Variants in SLX4IP observed in about 807,000 individuals in gnomAD.
SLX4IP encodes the protein protein SLX4IP.
In SLX4IP, 34 loss-of-function variants were observed where a neutral mutation model predicts 32.9. The ratio of observed to expected loss-of-function variants is 1.03; its 90% CI spans 0.79 to 1.38. SLX4IP has a LOEUF of 1.38. Ranked by LOEUF, SLX4IP falls within the 40% of genes most tolerant of loss-of-function variation. SLX4IP has a pLI of 0.00. For synonymous variants in SLX4IP, 172 were observed against 171.7 expected (o/e 1.00, Z -0.01); for missense variants, 444 against 479.0 (o/e 0.93, Z 0.68).
chr20:10,562,922 A>C (rs2066348681), intron 4 of SLX4IP, among the ~76,000 whole-genome samples: 1 of 152,274 alleles, frequency 6.6e-6, no homozygotes, highest in African/African-American at 2.4e-5. Context: ...CTTTTGTTAA[A>C]ATACCTAGTA....
At position 10,627,991 on chromosome 20, in the gene SLX4IP, G is replaced by A. The variant is rs2067192145; in HGVS notation, c.*4612G>A. 1 of 152,170 alleles carries A rather than the reference G, an allele frequency of 6.6e-6. No individual in the cohort carries two copies. The highest frequency in any genetic ancestry group is 6.5e-5 in the Admixed American group (1 of 15,278). 9.4% of individuals were successfully genotyped at this position (152,170 alleles called of 1,614,324 possible). A position where few individuals can be genotyped will look rare whatever the true frequency, so the allele number is the denominator to read the frequency against. On this transcript the variant is annotated 3_prime_UTR_variant, in exon 8 of 8. Coordinates refer to ENST00000334534, the MANE Select transcript of SLX4IP (RefSeq NM_001009608.3). ...GGGATGAAACCTATGTAATAGAAAT[G>A]TACTGTTTTATGAATAAGGAGTAAA... is the stretch of plus-strand genomic sequence containing the variant.
At chr20:10,445,518 T>C (rs954738297) in intron 1 of SLX4IP, among the ~76,000 whole-genome samples, 4 of 151,688 alleles carry the variant, frequency 2.6e-5, no homozygotes, top group African/African-American at 9.7e-5. Flanking sequence ...AGTTTCACCA[T>C]GTTGGCCATG....
intron 1 of SLX4IP, among the ~76,000 whole-genome samples, chr20:10,457,633 T>C (rs2065297240): frequency 1.3e-5 from 2 of 152,140 alleles, no homozygotes; most frequent in South Asian, 2.1e-4. Context: ...AGAATTTTTG[T>C]GTCTTCATAA....
chr20:10,612,532 A>G (rs1201885393), intron 6 of SLX4IP, among the ~76,000 whole-genome samples: 2 of 152,146 alleles, frequency 1.3e-5, no homozygotes, highest in African/African-American at 4.8e-5. Flanking sequence ...ACTTTTCAAA[A>G]TACTCTGGTT....
At chr20:10,442,552 T>C (rs6039936) in intron 1 of SLX4IP, among the ~76,000 whole-genome samples, 74,592 of 152,106 alleles carry the variant, frequency 0.49, 19,763 homozygotes, top group Non-Finnish European at 0.6. Flanking sequence ...AGCATACTTA[T>C]GTAAATTATA....
chr20:10,524,995 C>T (rs2065929572), intron 2 of SLX4IP, among the ~76,000 whole-genome samples: 1 of 152,178 alleles, frequency 6.6e-6, no homozygotes, highest in Admixed American at 6.5e-5. Flanking sequence ...CCCTCTGCAC[C>T]TATCCTCCCC....
At chr20:10,495,319 T>C (rs2065657686) in intron 2 of SLX4IP, among the ~76,000 whole-genome samples, 1 of 152,182 alleles carries the variant, frequency 6.6e-6, no homozygotes, top group Non-Finnish European at 1.5e-5. Flanking sequence ...TATTTTCTAT[T>C]GTCAGTTTCT....
At chr20:10,454,722 A>C (rs1328121804) in intron 1 of SLX4IP, among the ~76,000 whole-genome samples, 3 of 152,056 alleles carry the variant, frequency 2.0e-5, no homozygotes, top group African/African-American at 4.8e-5. Context: ...ATTCCTGTAT[A>C]ATTTTTTTGT....
chr20:10,534,249 G>A (rs1355243045), intron 2 of SLX4IP, among the ~76,000 whole-genome samples: 1 of 152,136 alleles, frequency 6.6e-6, no homozygotes, highest in Non-Finnish European at 1.5e-5. Context: ...CTGAGTCGGG[G>A]AGTGAGCATG....
chr20:10,598,630 G>C, intron 4 of SLX4IP, 45 bp from the exon 5 acceptor site: 1 of 1,559,832 alleles, frequency 6.4e-7, no homozygotes, highest in Non-Finnish European at 8.8e-7. Flanking sequence ...CAGAGATTTA[G>C]CGGCAAACAA....
chr20:10,447,410 G>C (rs542525456), intron 1 of SLX4IP, among the ~76,000 whole-genome samples: 1 of 152,032 alleles, frequency 6.6e-6, no homozygotes, highest in African/African-American at 2.4e-5. Context: ...GTTTGTGTTT[G>C]GAGTTGCATT....
At chr20:10,472,526 G>C (rs1457421805) in intron 2 of SLX4IP, among the ~76,000 whole-genome samples, 1 of 152,060 alleles carries the variant, frequency 6.6e-6, no homozygotes, top group Admixed American at 6.6e-5. Flanking sequence ...CACCATGCCC[G>C]GCCTGGTAAT....
chr20:10,520,554 T>A (rs2065894177), intron 2 of SLX4IP, among the ~76,000 whole-genome samples: 1 of 152,212 alleles, frequency 6.6e-6, no homozygotes, highest in South Asian at 2.1e-4. Flanking sequence ...TTTTTGTCAC[T>A]TGTTTTTGTA....
chr20:10,621,528 G>C (rs1011521366), intron 7 of SLX4IP, 114 bp downstream of exon 7: 1 of 841,978 alleles, frequency 1.2e-6, no homozygotes. Flanking sequence ...ACTCCCCTCC[G>C]TCACGTACTT....
intron 4 of SLX4IP, among the ~76,000 whole-genome samples, chr20:10,578,527 A>T (rs1260313373): frequency 1.3e-5 from 2 of 152,258 alleles, no homozygotes; most frequent in Admixed American, 1.3e-4. Flanking sequence ...ATGATGAATA[A>T]TGCTACTATG....
At chr20:10,523,294 T>G (rs1048438661) in intron 2 of SLX4IP, among the ~76,000 whole-genome samples, 2 of 152,112 alleles carry the variant, frequency 1.3e-5, no homozygotes, top group African/African-American at 4.8e-5. Context: ...TATATGAAAT[T>G]TGTTTCTAAT....
chr20:10,463,629 A>AT (rs1169824968), intron 2 of SLX4IP, among the ~76,000 whole-genome samples: 1 of 152,184 alleles, frequency 6.6e-6, no homozygotes, highest in Admixed American at 6.5e-5. Flanking sequence ...TTGAGAAGAG[A>AT]TTTTTTTAGG....
chr20:10,486,184 A>T (rs950030603), intron 2 of SLX4IP, among the ~76,000 whole-genome samples: 7 of 145,100 alleles, frequency 4.8e-5, no homozygotes, highest in Admixed American at 6.8e-5. Flanking sequence ...CCTTGCTTAA[A>T]TTTTTTTTTT....
At chr20:10,542,152 C>G (rs2066114383) in intron 2 of SLX4IP, among the ~76,000 whole-genome samples, 1 of 152,166 alleles carries the variant, frequency 6.6e-6, no homozygotes, top group Non-Finnish European at 1.5e-5. Flanking sequence ...ACAGGGAGAC[C>G]AGTGGCCTAT....
Sources: gnomAD v4.1 joint callset for allele counts (sites outside exome capture counted in the v4.1 genomes callset) on GRCh38, gnomAD v4.1.1 for gene constraint, MANE v1.5 for transcripts, NCBI Gene and HGNC (gene_info 2026-07-23, HGNC 2026-07-21) for gene names.